Variants in KCNT2 observed in about 807,000 individuals in gnomAD.
KCNT2 encodes potassium sodium-activated channel subfamily T member 2, also known as potassium channel subfamily T member 2.
KCNT2 carries 67 observed loss-of-function variants against 153.8 expected under a neutral mutation model. That is an observed-to-expected ratio of 0.44 (90% CI 0.36 to 0.53). KCNT2 has a LOEUF of 0.53. KCNT2 is among the 20% of genes least tolerant of loss of function. The pLI is 0.00. For synonymous variants in KCNT2, 500 were observed against 458.8 expected, an observed-to-expected ratio of 1.09 and a Z score of -1.15; for missense variants, 975 against 1,354.8, an observed-to-expected ratio of 0.72 and a Z score of 4.40.
intron 27 of KCNT2, among the ~76,000 whole-genome samples, chr1:196,231,408 G>C (rs1653943237): frequency 6.6e-6 from 1 of 151,740 alleles, no homozygotes; most frequent in Non-Finnish European, 1.5e-5. Context: ...TTGAGCACCT[G>C]TAGGAAACTG....
At chr1:196,419,542 C>T (rs1263266561) in intron 12 of KCNT2, among the ~76,000 whole-genome samples, 1 of 151,470 alleles carries the variant, frequency 6.6e-6, no homozygotes. Context: ...CATAGTATTC[C>T]ATGGTGTATA....
intron 24 of KCNT2, 109 bp from the exon 25 acceptor site, chr1:196,281,097 C>T: frequency 1.2e-6 from 1 of 802,226 alleles, no homozygotes. Context: ...GGGTCTCACT[C>T]TGTCACCCAG....
At chr1:196,508,189 C>CAAAAAAAAAAAAAAAAAAAAAAAAAAA (rs10539910) in intron 1 of KCNT2, among the ~76,000 whole-genome samples, 6 of 59,978 alleles carry the variant, frequency 1.0e-4, no homozygotes, top group South Asian at 6.9e-4. Flanking sequence ...CCCTAAGTAG[C>CAAAAAAAAAAAAAAAAAAAAAAAAAAA]AAAAAAAAAA....
intron 1 of KCNT2, among the ~76,000 whole-genome samples, chr1:196,520,639 T>C (rs1358839296): frequency 6.6e-6 from 1 of 151,894 alleles, no homozygotes; most frequent in Non-Finnish European, 1.5e-5. Flanking sequence ...CCAGAAATAA[T>C]GGTGAACACC....
intron 25 of KCNT2, among the ~76,000 whole-genome samples, chr1:196,277,977 A>T (rs1038374709): frequency 1.4e-4 from 22 of 152,042 alleles, no homozygotes; most frequent in Admixed American, 1.4e-3. Flanking sequence ...CTTTAATGGT[A>T]TTTTTTTCAT....
At chr1:196,519,507 GTTAATT>G (rs1480752503) in intron 1 of KCNT2, among the ~76,000 whole-genome samples, 2 of 151,438 alleles carry the variant, frequency 1.3e-5, no homozygotes, top group Non-Finnish European at 2.9e-5. Context: ...GAATCTGGGG[GTTAATT>G]TTTTTAAAAA....
At chr1:196,333,094 G>GTT (rs199829441) in intron 17 of KCNT2, among the ~76,000 whole-genome samples, 1,993 of 141,730 alleles carry the variant, frequency 0.014, 37 homozygotes, top group African/African-American at 0.048. Context: ...CCAGCTGCAA[G>GTT]TTTTTTTTTT....
At position 196,492,345 on chromosome 1, in the gene KCNT2, C is replaced by T. The variant is rs200503593; in HGVS notation, c.96-4G>A. The T allele has an allele frequency of 1.5e-6, 2 of 1,367,780 alleles. No homozygotes were observed. The highest frequency in any genetic ancestry group is 2.8e-5 in the East Asian group (1 of 36,224). The allele number at this position is 1,367,780 out of a possible 1,614,324, so 84.7% of individuals were successfully genotyped here. On this transcript the variant is annotated splice_polypyrimidine_tract_variant and splice_region_variant and intron_variant, in intron 1 of 27. Coordinates refer to ENST00000294725, the MANE Select transcript of KCNT2 (RefSeq NM_198503.5). ...CATATAGAATTCAACTTGTACCCTG[C>T]AAACAGAAAATAAAAACATGTAAAT...
chr1:196,582,619 GCCACTACCTTAGTGCCT>G, intron 1 of KCNT2: 1 of 154,246 alleles, frequency 6.5e-6, no homozygotes, highest in East Asian at 1.9e-4. Flanking sequence ...TTCAGTCCTG[GCCACTACCTTAGTGCCT>G]CCACAAACAC....
intron 23 of KCNT2, 115 bp downstream of exon 23, chr1:196,285,542 G>T: frequency 3.4e-6 from 2 of 580,330 alleles, no homozygotes; most frequent in Non-Finnish European, 6.1e-6. Flanking sequence ...AATTACTTTT[G>T]GAGCCAATTT....
intron 7 of KCNT2, 52 bp downstream of exon 7, chr1:196,467,651 T>C: frequency 8.3e-7 from 1 of 1,210,178 alleles, no homozygotes; most frequent in South Asian, 1.4e-5. Context: ...ACATTGAAAA[T>C]AAGAAATGGT....
At chr1:196,430,792 C>A (rs896281163) in intron 8 of KCNT2, among the ~76,000 whole-genome samples, 5 of 151,090 alleles carry the variant, frequency 3.3e-5, no homozygotes, top group African/African-American at 9.7e-5. Flanking sequence ...TTAACAACAA[C>A]AAAAAAAAGC....
intron 25 of KCNT2, among the ~76,000 whole-genome samples, chr1:196,267,072 C>A (rs926486834): frequency 2.0e-5 from 3 of 152,140 alleles, no homozygotes; most frequent in African/African-American, 7.2e-5. Flanking sequence ...AAATTCTCTA[C>A]CTGACTACAC....
chr1:196,564,377 C>A (rs1659820049), intron 1 of KCNT2, among the ~76,000 whole-genome samples: 1 of 151,758 alleles, frequency 6.6e-6, no homozygotes, highest in Admixed American at 6.6e-5. Flanking sequence ...AAAAATATTG[C>A]ATGTTCATGG....
chr1:196,595,756 T>A (rs1663983108), intron 1 of KCNT2, among the ~76,000 whole-genome samples: 1 of 152,048 alleles, frequency 6.6e-6, no homozygotes. Flanking sequence ...AGTGTTTTAG[T>A]GGTGATTTCT....
intron 1 of KCNT2, among the ~76,000 whole-genome samples, chr1:196,500,075 T>C (rs1417327761): frequency 1.3e-5 from 2 of 149,150 alleles, no homozygotes; most frequent in Non-Finnish European, 3.0e-5. Context: ...ACTTGGGAGG[T>C]GGAGATTGCA....
At chr1:196,567,230 T>G (rs1572851671) in intron 1 of KCNT2, among the ~76,000 whole-genome samples, 2 of 152,080 alleles carry the variant, frequency 1.3e-5, no homozygotes, top group Non-Finnish European at 2.9e-5. Flanking sequence ...TAATCTACAC[T>G]AGACTATGTA....
intron 20 of KCNT2, among the ~76,000 whole-genome samples, chr1:196,317,464 G>A (rs1203429716): frequency 3.3e-5 from 5 of 151,606 alleles, no homozygotes; most frequent in Non-Finnish European, 5.9e-5. Flanking sequence ...GATGGAAAAT[G>A]AATGTGTTAT....
chr1:196,604,157 T>C (rs1411312586), intron 1 of KCNT2, among the ~76,000 whole-genome samples: 1 of 152,222 alleles, frequency 6.6e-6, no homozygotes, highest in East Asian at 1.9e-4. Flanking sequence ...AAATGCTGAA[T>C]ATCCTTTCTA....
Sources: gnomAD v4.1 joint callset for allele counts (sites outside exome capture counted in the v4.1 genomes callset) on GRCh38, gnomAD v4.1.1 for gene constraint, MANE v1.5 for transcripts, NCBI Gene and HGNC (gene_info 2026-07-23, HGNC 2026-07-21) for gene names.